Variants in SARS2 observed in about 807,000 individuals in gnomAD.
SARS2 encodes seryl-tRNA synthetase 2, mitochondrial, also known as serine--tRNA ligase, mitochondrial.
A neutral mutation model predicts 66.8 loss-of-function variants in SARS2; 52 were observed. The ratio of observed to expected loss-of-function variants is 0.78; its 90% CI spans 0.62 to 0.98. The LOEUF (loss-of-function observed/expected upper bound fraction) is 0.98. SARS2 is among the 50% of genes least tolerant of loss of function. The pLI is 0.00. For synonymous variants in SARS2, 306 were observed against 281.4 expected (o/e 1.09, Z -0.87); for missense variants, 673 against 706.3 (o/e 0.95, Z 0.53).
intron 2 of SARS2, among the ~76,000 whole-genome samples, chr19:38,923,396 G>T (rs1383779160): frequency 6.8e-6 from 1 of 146,526 alleles, no homozygotes; most frequent in Non-Finnish European, 1.5e-5. Context: ...TAATTTTTTT[G>T]TATTTTTAGT....
At position 38,918,011 on chromosome 19, in the gene SARS2, G is replaced by A; in HGVS notation, c.963-3C>T. 6.2e-7 allele frequency: 1 copy of A among 1,600,562 alleles called. No homozygotes were observed. Among genetic ancestry groups the A allele is most frequent in the East Asian group, 2.3e-5 (1 of 44,378 alleles). ...AGCAGGTGCTGGAGCAAACCATCCT[G>A]GCAGAGAGCAGGGAAAGTCGGGTCA... On this transcript the variant is annotated splice_polypyrimidine_tract_variant and splice_region_variant and intron_variant, in intron 10 of 15. Coordinates refer to ENST00000221431, the MANE Select transcript of SARS2 (RefSeq NM_017827.4).
At chr19:38,925,878 G>A (rs542390788) in intron 2 of SARS2, among the ~76,000 whole-genome samples, 76 of 152,138 alleles carry the variant, frequency 5.0e-4, no homozygotes, top group African/African-American at 1.7e-3. Flanking sequence ...GTGCAGTGGC[G>A]CCATCTCAGC....
At chr19:38,918,192 C>G in intron 9 of SARS2, 53 bp from the exon 10 acceptor site, 14 of 1,554,614 alleles carry the variant, frequency 9.0e-6, no homozygotes, top group Non-Finnish European at 1.1e-5. Flanking sequence ...CAGAGGAAGC[C>G]TTTGGAAGAT....
intron 1 of SARS2, chr19:38,928,278 T>G (rs1974662699): frequency 6.6e-6 from 1 of 151,992 alleles, no homozygotes; most frequent in African/African-American, 2.4e-5. Flanking sequence ...CTTGGGAGAC[T>G]GAGGCACGAC....
At chr19:38,917,165 G>T (rs1434915857) in intron 12 of SARS2, among the ~76,000 whole-genome samples, 1 of 152,100 alleles carries the variant, frequency 6.6e-6, no homozygotes, top group Non-Finnish European at 1.5e-5. Flanking sequence ...TCGCTGTGTT[G>T]CCCAGGCTGG....
intron 8 of SARS2, 31 bp downstream of exon 8, chr19:38,918,735 T>G: frequency 6.4e-7 from 1 of 1,554,352 alleles, no homozygotes; most frequent in Non-Finnish European, 8.7e-7. Flanking sequence ...GACACCCAGG[T>G]GGGCGAGGGA....
At chr19:38,917,681 A>G (rs1974441194) in intron 12 of SARS2, 43 bp downstream of exon 12, 6 of 938,782 alleles carry the variant, frequency 6.4e-6, no homozygotes, top group Non-Finnish European at 8.5e-6. Context: ...TCCCTCCCCT[A>G]CCCCACCCCT....
intron 1 of SARS2, among the ~76,000 whole-genome samples, chr19:38,929,476 G>C (rs527536863): frequency 6.6e-6 from 1 of 151,244 alleles, no homozygotes; most frequent in East Asian, 1.9e-4. Context: ...GATTATTTGA[G>C]CTCAGGAATT....
At chr19:38,918,835 T>A in intron 7 of SARS2, 22 bp from the exon 8 acceptor site, 1 of 1,555,104 alleles carries the variant, frequency 6.4e-7, no homozygotes, top group Non-Finnish European at 8.7e-7. Flanking sequence ...AGAGGATGAG[T>A]GAGCAGAGCT....
rs578233266 is a variant in SARS2, at chr19:38,925,084, C to T, written c.363+1121G>A. On this transcript the variant is annotated intron_variant, in intron 2 of 15. Transcript: ENST00000221431. Reference sequence around the variant, plus strand: ...AGCCCAGCACTTTGGGAGGCCAAGGCGGGTGGATCACCTGAGGTGATGAGT... The same window carrying T: ...AGCCCAGCACTTTGGGAGGCCAAGGTGGGTGGATCACCTGAGGTGATGAGT... Among the ~76,000 whole-genome samples, 6 of 152,232 alleles carry T rather than the reference C, an allele frequency of 3.9e-5. No homozygotes were observed. The East Asian group carries it at 5.8e-4, about 15-fold the overall frequency.
intron 2 of SARS2, among the ~76,000 whole-genome samples, chr19:38,922,753 T>C (rs1422542544): frequency 6.6e-6 from 1 of 152,140 alleles, no homozygotes; most frequent in African/African-American, 2.4e-5. Context: ...ATTTGGCAGT[T>C]ACCCCCTGTG....
At chr19:38,919,728 C>A (rs772023297) in intron 7 of SARS2, 34 bp downstream of exon 7, 49 of 1,562,402 alleles carry the variant, frequency 3.1e-5, no homozygotes, top group Non-Finnish European at 4.2e-5. Flanking sequence ...TCGATGCCAC[C>A]CCCTCCAGGC....
intron 5 of SARS2, 116 bp downstream of exon 5, chr19:38,921,276 G>T: frequency 9.0e-7 from 1 of 1,107,250 alleles, no homozygotes; most frequent in Non-Finnish European, 1.3e-6. Flanking sequence ...CTCCTGTACC[G>T]CCAGGAGTTC....
At chr19:38,927,840 C>T (rs563814482) in intron 1 of SARS2, among the ~76,000 whole-genome samples, 12 of 151,704 alleles carry the variant, frequency 7.9e-5, no homozygotes, top group Non-Finnish European at 1.2e-4. Context: ...CGAGACCAGC[C>T]TGGCCAAGAT....
intron 1 of SARS2, among the ~76,000 whole-genome samples, chr19:38,926,687 G>A (rs1405267056): frequency 6.6e-6 from 1 of 152,190 alleles, no homozygotes; most frequent in Non-Finnish European, 1.5e-5. Context: ...CCAGGAGGCT[G>A]AGGCACGAGA....
chr19:38,921,441 G>A lies in SARS2; in HGVS notation c.540C>T (p.Val180=), dbSNP rs371250326. 9.9e-5 allele frequency: 159 copies of A among 1,613,900 alleles called. No homozygotes were observed. The highest frequency in any genetic ancestry group is 1.7e-4 in the Middle Eastern group (1 of 6,000). ...LPNQTHPDVP[V]GDESQARVLH... ...GCACTCGAGCCTGGCTCTCATCCCCGACGGGCTGCAGGGAGACAGCAGGAG... is the reference window on the plus strand; with the variant it reads ...GCACTCGAGCCTGGCTCTCATCCCCAACGGGCTGCAGGGAGACAGCAGGAG... Residue 180 remains valine, a synonymous_variant, in exon 5 of 16, where the codon GTC becomes GTT. Transcript: ENST00000221431.
rs1033683967 is a variant in SARS2 at position 38,918,476 on chromosome 19, G to A, written c.862C>T (p.Pro288Ser). The A allele has an allele frequency of 2.5e-6, 4 of 1,614,204 alleles. No individual in the cohort carries two copies. Among genetic ancestry groups the A allele is most frequent in the Non-Finnish European group, 3.4e-6 (4 of 1,180,032 alleles). ...AGGTTGAGATCTTTGAAGCGGGCAG[G>A]GTCGATGTTGTAAATTTGGGATGGG... is the stretch of plus-strand genomic sequence containing the variant. ...ANPSQIYNIDPARFKDLNLAG... is the reference protein window; with the variant it reads ...ANPSQIYNIDSARFKDLNLAG... The change falls in exon 9 of 16, where the codon CCT becomes TCT. Residue 288 changes from proline to serine, a missense_variant. By Grantham distance (74) the Pro-to-Ser change is moderately conservative. Coordinates refer to ENST00000221431, the MANE Select transcript of SARS2 (RefSeq NM_017827.4).
chr19:38,927,784 C>T (rs904238032), intron 1 of SARS2, among the ~76,000 whole-genome samples: 1 of 151,024 alleles, frequency 6.6e-6, no homozygotes, highest in Non-Finnish European at 1.5e-5. Context: ...CCTGTAATCC[C>T]AGCACTTTGG....
At position 38,919,984 on chromosome 19, in the gene SARS2, A is replaced by G. The variant is rs150540843; in HGVS notation, c.653+102T>C. The G allele has an allele frequency of 5.1e-6, 7 of 1,378,644 alleles. No homozygotes were observed. In the East Asian group the frequency reaches 1.5e-4, roughly 29 times the overall value. 85.4% of individuals were successfully genotyped at this position (1,378,644 alleles called of 1,614,324 possible). A position where few individuals can be genotyped will look rare whatever the true frequency, so the allele number is the denominator to read the frequency against. On this transcript the variant is annotated intron_variant, in intron 6 of 15. Transcript: ENST00000221431. ...GGTGGGGCTGGGGCATCAAAGATTC[A>G]TGGCATTTCCACATCTCACGCTGAG...
Sources: allele counts gnomAD v4.1 joint callset (sites outside exome capture counted in the v4.1 genomes callset), GRCh38; gene constraint gnomAD v4.1.1; transcripts MANE v1.5; gene names NCBI Gene and HGNC (gene_info 2026-07-23, HGNC 2026-07-21).